The following RAB30 variants were observed in gnomAD, a reference collection of about 807,000 sequenced individuals.
RAB30 encodes ras-related protein Rab-30.
A neutral mutation model predicts 25.1 loss-of-function variants in RAB30; 9 were observed. The observed-to-expected ratio is 0.36, with a 90% CI of 0.22 to 0.63. The LOEUF is 0.63. Ranked by LOEUF, RAB30 falls within the 20% of genes least tolerant of loss-of-function variation. The pLI is 0.69. For synonymous variants in RAB30, 77 were observed against 86.4 expected (o/e 0.89, Z 0.60); for missense variants, 140 against 243.5 (o/e 0.58, Z 2.83).
chr11:82,988,081 T>G lies in RAB30; in HGVS notation c.178-311A>C, dbSNP rs368678180. Among the ~76,000 whole-genome samples, 19 of 152,294 alleles carry G rather than the reference T, an allele frequency of 1.2e-4. No homozygotes were observed. In the South Asian group the frequency reaches 3.9e-3, roughly 32 times the overall value. On this transcript the variant is annotated intron_variant, in intron 3 of 4. Transcript: ENST00000527633. ...TATAGGAAATTCGTCAAGCATTTAT[T>G]ATGTGCCAAGCTCTATTCTAAGCAT...
intron 1 of RAB30, among the ~76,000 whole-genome samples, chr11:83,006,162 A>T (rs1246075455): frequency 1.3e-5 from 2 of 152,190 alleles, no homozygotes; most frequent in African/African-American, 2.4e-5. Flanking sequence ...TATGGAGAGC[A>T]CTATTGATTT....
chr11:83,026,275 A>T (rs891116981), intron 1 of RAB30, among the ~76,000 whole-genome samples: 2 of 152,186 alleles, frequency 1.3e-5, no homozygotes, highest in African/African-American at 4.8e-5. Context: ...AGGATACGTG[A>T]TATGATTTGG....
intron 1 of RAB30, among the ~76,000 whole-genome samples, chr11:83,022,024 C>T (rs1857590398): frequency 6.6e-6 from 1 of 152,178 alleles, no homozygotes; most frequent in Non-Finnish European, 1.5e-5. Flanking sequence ...TAATTAAGTA[C>T]TTCTTGGTTT....
chr11:82,979,213 C>T lies in RAB30; in HGVS notation c.*2952G>A, dbSNP rs781704997. 4.6e-5 allele frequency: 7 copies of T among 152,122 alleles called. No individual in the cohort carries two copies. The highest frequency in any genetic ancestry group is 8.8e-5 in the Non-Finnish European group (6 of 68,026). The allele number at this position is 152,122 out of a possible 1,614,324, so 9.4% of individuals were successfully genotyped here. The stretch of plus-strand genomic sequence containing the variant: ...CAAACTATTATTTCATAGATTTTCC[C>T]AAGCCTGACTCCATGACATGAGTAT... On this transcript the variant is annotated 3_prime_UTR_variant, in exon 5 of 5. Transcript: ENST00000527633.
At chr11:83,037,462 C>T (rs988458372) in intron 1 of RAB30, among the ~76,000 whole-genome samples, 5 of 152,126 alleles carry the variant, frequency 3.3e-5, no homozygotes, top group African/African-American at 1.2e-4. Flanking sequence ...GTTGGCCGGA[C>T]TGGTCTTGAA....
At chr11:83,014,158 A>G (rs766113109) in intron 1 of RAB30, among the ~76,000 whole-genome samples, 3 of 152,256 alleles carry the variant, frequency 2.0e-5, no homozygotes, top group Non-Finnish European at 4.4e-5. Context: ...TCAGACAGTG[A>G]TAAGTGCTAG....
intron 2 of RAB30, 71 bp from the exon 3 acceptor site, chr11:82,994,193 C>T (rs1312535706): frequency 7.8e-7 from 1 of 1,282,928 alleles, no homozygotes; most frequent in African/African-American, 1.5e-5. Context: ...TCCTCTCCCC[C>T]AGCAACACCC....
rs923113284 is a variant in RAB30, at chr11:82,976,483, C to T, written c.*5682G>A. ...CCCTTCTATATAACTCCCCACATCACTCTCCAAAGTGTCAAAGTCAGCAAC... is the reference window on the plus strand; with the variant it reads ...CCCTTCTATATAACTCCCCACATCATTCTCCAAAGTGTCAAAGTCAGCAAC... On this transcript the variant is annotated 3_prime_UTR_variant, in exon 5 of 5. Coordinates refer to ENST00000527633, the MANE Select transcript of RAB30 (RefSeq NM_001286060.2). 2.0e-5 allele frequency: 3 copies of T among 152,172 alleles called. No homozygotes were observed. Among genetic ancestry groups the T allele is most frequent in the Non-Finnish European group, 4.4e-5 (3 of 68,030 alleles). The allele number at this position is 152,172 out of a possible 1,614,324, so 9.4% of individuals were successfully genotyped here.
At chr11:82,986,990 G>T (rs1856750526) in intron 4 of RAB30, 1 of 152,024 alleles carries the variant, frequency 6.6e-6, no homozygotes. Flanking sequence ...TACAAACAGA[G>T]AAGTTTTTAA....
chr11:83,040,033 G>T (rs567687927), intron 1 of RAB30, among the ~76,000 whole-genome samples: 1 of 152,242 alleles, frequency 6.6e-6, no homozygotes, highest in East Asian at 1.9e-4. Flanking sequence ...AGAGTATAAG[G>T]TGAGGAGCAG....
At chr11:83,012,300 C>T (rs776559165) in intron 1 of RAB30, among the ~76,000 whole-genome samples, 14 of 152,164 alleles carry the variant, frequency 9.2e-5, no homozygotes, top group Non-Finnish European at 1.6e-4. Context: ...CAATGCGACT[C>T]CACTGCAGCC....
intron 1 of RAB30, among the ~76,000 whole-genome samples, chr11:83,039,635 C>T (rs896329201): frequency 1.3e-5 from 2 of 152,110 alleles, no homozygotes; most frequent in Non-Finnish European, 2.9e-5. Context: ...GCCGAGATCA[C>T]GCCACTGTAC....
intron 1 of RAB30, among the ~76,000 whole-genome samples, chr11:83,043,366 C>T (rs1441344720): frequency 6.6e-6 from 1 of 152,166 alleles, no homozygotes; most frequent in Non-Finnish European, 1.5e-5. Context: ...ATCAGCTGAG[C>T]CTAATCCACA....
At position 83,014,650 on chromosome 11, in the gene RAB30, G is replaced by GAAAGAAAGAA. The variant is rs765404002; in HGVS notation, c.-8-17336_-8-17327dup. Among the ~76,000 whole-genome samples the GAAAGAAAGAA allele has an allele frequency of 2.4e-5, 3 of 123,578 alleles. No homozygotes were observed. The East Asian group carries it at 7.3e-4, about 30-fold the overall frequency. The allele number at this position is 123,578 out of a possible 152,430, so 81.1% of individuals were successfully genotyped here. A position where few individuals can be genotyped will look rare whatever the true frequency, so the allele number is the denominator to read the frequency against. ...GAAGTAAGAAAAAGAAAGAAAGAAA[G>GAAAGAAAGAA]AAAGAAAGAAAGAAAGAAAGAAAGA... On this transcript the variant is annotated intron_variant, in intron 1 of 4. Transcript: ENST00000527633.
chr11:83,030,692 G>A (rs533758418), intron 1 of RAB30, among the ~76,000 whole-genome samples: 106 of 152,022 alleles, frequency 7.0e-4, no homozygotes, highest in African/African-American at 2.4e-3. Context: ...AGCTACTCAG[G>A]AGGCTGAGGC....
chr11:83,062,963 A>G lies in RAB30; in HGVS notation c.-9+8728T>C, dbSNP rs1216158249. On this transcript the variant is annotated intron_variant, in intron 1 of 4. Coordinates refer to ENST00000527633, the MANE Select transcript of RAB30 (RefSeq NM_001286060.2). ...GGTTGCAGTGAGCCAAGATTGCGCCACTGCACTCCAGCCTGGGTGACAGAG... is the reference window on the plus strand; with the variant it reads ...GGTTGCAGTGAGCCAAGATTGCGCCGCTGCACTCCAGCCTGGGTGACAGAG... Among the ~76,000 whole-genome samples the G allele has an allele frequency of 2.0e-5, 3 of 149,428 alleles. No homozygotes were observed. In the Admixed American group the frequency reaches 2.0e-4, roughly 10 times the overall value.
chr11:83,006,719 T>G (rs927183262), intron 1 of RAB30, among the ~76,000 whole-genome samples: 1 of 152,196 alleles, frequency 6.6e-6, no homozygotes, highest in Non-Finnish European at 1.5e-5. Flanking sequence ...TCAATCTTTG[T>G]GTCTTTCTCT....
chr11:83,026,085 G>A (rs1198798733), intron 1 of RAB30, among the ~76,000 whole-genome samples: 1 of 152,054 alleles, frequency 6.6e-6, no homozygotes, highest in Non-Finnish European at 1.5e-5. Flanking sequence ...TAGCTACAAG[G>A]GAGACTGAGA....
intron 1 of RAB30, among the ~76,000 whole-genome samples, chr11:83,065,314 T>TA (rs1266310287): frequency 6.6e-6 from 1 of 151,958 alleles, no homozygotes; most frequent in Non-Finnish European, 1.5e-5. Context: ...CCCTTGAGCC[T>TA]AGGAGGTAGA....
Sources: gnomAD v4.1 joint callset for allele counts (sites outside exome capture counted in the v4.1 genomes callset) on GRCh38, gnomAD v4.1.1 for gene constraint, MANE v1.5 for transcripts, NCBI Gene and HGNC (gene_info 2026-07-23, HGNC 2026-07-21) for gene names.